OSMR: variants seen among roughly 807,000 people sequenced by gnomAD.
The protein encoded by OSMR is oncostatin M receptor, also known as oncostatin-M-specific receptor subunit beta.
A neutral mutation model predicts 99.9 loss-of-function variants in OSMR; 81 were observed. The observed-to-expected ratio is 0.81, with a 90% CI of 0.68 to 0.97. The LOEUF is 0.97. Among genes scored for constraint, OSMR ranks in the 50% least tolerant of loss-of-function variants. The pLI is 0.00. For missense variants in OSMR, 1,099 were observed against 1,153.4 expected (o/e 0.95, Z 0.68); for synonymous variants, 406 against 410.4 (o/e 0.99, Z 0.13).
Position 38,924,592 on chromosome 5 carries a change from T to C in OSMR, c.2041T>C (p.Ser681Pro). The C allele has an allele frequency of 6.2e-7, 1 of 1,602,758 alleles. No individual in the cohort carries two copies. Among genetic ancestry groups the C allele is most frequent in the Non-Finnish European group, 8.5e-7 (1 of 1,169,604 alleles). The change falls in exon 14 of 18, where the codon TCA becomes CCA. Residue 681 changes from serine to proline, a missense_variant. Transcript: ENST00000274276. ...CHPRFEKAVL[S>P]DGSECCKYKI... ...CCCACGATTTGAAAAGGCAGTTCTT[T>C]CAGGTGACATCTATTTTTAATTTGT...
intron 1 of OSMR, among the ~76,000 whole-genome samples, chr5:38,855,734 C>T (rs2112076612): frequency 7.1e-6 from 1 of 140,154 alleles, no homozygotes; most frequent in East Asian, 2.5e-4. Context: ...CACCTGTTGT[C>T]CCTCACTTCA....
chr5:38,905,379 C>G (rs1434436171), intron 9 of OSMR, among the ~76,000 whole-genome samples: 1 of 152,004 alleles, frequency 6.6e-6, no homozygotes, highest in Non-Finnish European at 1.5e-5. Context: ...ATCCCAGCTA[C>G]TCGGGAGGCT....
intron 7 of OSMR, among the ~76,000 whole-genome samples, chr5:38,892,574 C>T (rs533119328): frequency 6.6e-6 from 1 of 152,146 alleles, no homozygotes; most frequent in East Asian, 1.9e-4. Context: ...CATCCACTCA[C>T]GTGGGCCCAA....
intron 4 of OSMR, 125 bp from the exon 5 acceptor site, chr5:38,883,702 A>T (rs1260911979): frequency 6.4e-7 from 1 of 1,557,516 alleles, no homozygotes; most frequent in African/African-American, 1.4e-5. Context: ...AGAGAAATTT[A>T]GGTTGCTATT....
intron 3 of OSMR, among the ~76,000 whole-genome samples, chr5:38,877,431 C>A (rs934618386): frequency 3.3e-5 from 5 of 152,182 alleles, no homozygotes; most frequent in African/African-American, 1.2e-4. Flanking sequence ...GTCTATAATT[C>A]TACCTCTCAA....
chr5:38,883,139 C>A (rs1043652280), intron 4 of OSMR, among the ~76,000 whole-genome samples: 16 of 152,276 alleles, frequency 1.1e-4, no homozygotes, highest in African/African-American at 3.6e-4. Context: ...CATGGCGAAG[C>A]CCCAGCTCTA....
At chr5:38,867,204 G>A (rs11958086) in intron 1 of OSMR, among the ~76,000 whole-genome samples, 1 of 152,210 alleles carries the variant, frequency 6.6e-6, no homozygotes, top group Non-Finnish European at 1.5e-5. Context: ...AGTGGAAAGA[G>A]GTGCTTAAAG....
intron 7 of OSMR, among the ~76,000 whole-genome samples, chr5:38,892,266 C>T (rs1744210889): frequency 6.6e-6 from 1 of 152,238 alleles, no homozygotes; most frequent in African/African-American, 2.4e-5. Flanking sequence ...GCCCAGAGCC[C>T]TTCTGAAAAC....
At position 38,862,991 on chromosome 5, in the gene OSMR, G is replaced by T. The variant is rs180784800; in HGVS notation, c.-13-6041G>T. Among the ~76,000 whole-genome samples the T allele has an allele frequency of 3.6e-3, 547 of 152,140 alleles. 3 individuals carry two copies. The highest frequency in any genetic ancestry group is 6.2e-3 in the Non-Finnish European group (420 of 67,990). ...AGCCCGGCCAACACAGCGAAACCCT[G>T]TCTCCACCAAAAAAGTACAAAAACC... On this transcript the variant is annotated intron_variant, in intron 1 of 17. Coordinates refer to ENST00000274276, the MANE Select transcript of OSMR (RefSeq NM_003999.3).
intron 2 of OSMR, chr5:38,944,868 G>A (rs756539997): frequency 6.4e-6 from 10 of 1,562,384 alleles, no homozygotes; most frequent in Non-Finnish European, 7.0e-6. Flanking sequence ...CAACTAATCA[G>A]AACAGTTTTA....
chr5:38,863,812 A>G (rs568833331), intron 1 of OSMR, among the ~76,000 whole-genome samples: 17 of 152,212 alleles, frequency 1.1e-4, no homozygotes, highest in Non-Finnish European at 1.5e-5. Context: ...AGATTTAGTA[A>G]TATTTGCTTT....
In OSMR at chr5:38,934,608, A is replaced by C. The variant is rs1746931795; in HGVS notation, c.*1164A>C. The C allele has an allele frequency of 6.6e-6, 1 of 151,986 alleles. No homozygotes were observed. The highest frequency in any genetic ancestry group is 1.5e-5 in the Non-Finnish European group (1 of 68,014). 9.4% of individuals were successfully genotyped at this position (151,986 alleles called of 1,614,324 possible). A position where few individuals can be genotyped will look rare whatever the true frequency, so the allele number is the denominator to read the frequency against. On this transcript the variant is annotated 3_prime_UTR_variant, in exon 18 of 18. Transcript: ENST00000274276. Reference sequence around the variant, plus strand: ...TTCCGCCTCCTAGATTCAAACAAACAGTTCTCCTGCCCCAGCCTCCAGAGC... The same window carrying C: ...TTCCGCCTCCTAGATTCAAACAAACCGTTCTCCTGCCCCAGCCTCCAGAGC...
In OSMR at chr5:38,923,149, G is replaced by C. The variant is rs1439479063; in HGVS notation, c.1766-1G>C. 3 of 1,612,620 alleles carry C rather than the reference G, an allele frequency of 1.9e-6. No homozygotes were observed. Among genetic ancestry groups the C allele is most frequent in the Admixed American group, 3.3e-5 (2 of 59,982 alleles). On this transcript the variant is annotated splice_acceptor_variant, in intron 12 of 17. Transcript: ENST00000274276. LOFTEE classifies it high-confidence loss of function. ...AAAATCTGTTGACTTTTTTTCCCTA[G>C]ATGCTTTTAGGCCAGGAGTTCGATA...
chr5:38,857,802 G>A (rs1160333821), intron 1 of OSMR, among the ~76,000 whole-genome samples: 2 of 151,790 alleles, frequency 1.3e-5, no homozygotes. Context: ...CGAGTAGCTG[G>A]GACTATGGAG....
intron 9 of OSMR, 87 bp from the exon 10 acceptor site, chr5:38,917,459 C>G: frequency 6.4e-7 from 1 of 1,570,328 alleles, no homozygotes; most frequent in Non-Finnish European, 8.7e-7. Flanking sequence ...AGGTAATTGT[C>G]ATGTCCTTGA....
At chr5:38,856,428 G>A (rs145720391) in intron 1 of OSMR, among the ~76,000 whole-genome samples, 2 of 152,172 alleles carry the variant, frequency 1.3e-5, no homozygotes, top group Non-Finnish European at 2.9e-5. Flanking sequence ...GAAACACAGG[G>A]GGTGGCCTTG....
At chr5:38,854,516 C>A (rs1337974102) in intron 1 of OSMR, among the ~76,000 whole-genome samples, 3 of 152,128 alleles carry the variant, frequency 2.0e-5, no homozygotes, top group Non-Finnish European at 2.9e-5. Context: ...GGTAATTTTT[C>A]TTTCCTTCTT....
At chr5:38,900,468 T>C (rs2112517147) in intron 7 of OSMR, among the ~76,000 whole-genome samples, 1 of 152,270 alleles carries the variant, frequency 6.6e-6, no homozygotes, top group Non-Finnish European at 1.5e-5. Flanking sequence ...GGTGGGACAA[T>C]CGATGGAGCC....
chr5:38,930,920 TTGTGTGTGTGTGTGTGTGTG>T (rs55964556), intron 15 of OSMR, among the ~76,000 whole-genome samples: 3 of 141,986 alleles, frequency 2.1e-5, no homozygotes, highest in East Asian at 2.1e-4. Context: ...CAGAAGCATT[TTGTGTGTGTGTGTGTGTGTG>T]TGTGTGTGTG....
Sources: allele counts gnomAD v4.1 joint callset (sites outside exome capture counted in the v4.1 genomes callset), GRCh38; gene constraint gnomAD v4.1.1; transcripts MANE v1.5; gene names NCBI Gene and HGNC (gene_info 2026-07-23, HGNC 2026-07-21).